The following SLC5A4 variants were observed in gnomAD, a reference collection of about 807,000 sequenced individuals.
SLC5A4 encodes probable glucose sensor protein SLC5A4.
Under a neutral mutation model 70.3 loss-of-function variants are expected in SLC5A4, and 55 were observed. The observed-to-expected ratio is 0.78, with a 90% CI of 0.63 to 0.98. The LOEUF (loss-of-function observed/expected upper bound fraction) is 0.98. Among genes scored for constraint, SLC5A4 ranks in the 50% least tolerant of loss-of-function variants. SLC5A4 has a pLI of 0.00. For synonymous variants in SLC5A4, 268 were observed against 305.7 expected, an observed-to-expected ratio of 0.88 and a Z score of 1.29; for missense variants, 735 against 839.2, an observed-to-expected ratio of 0.88 and a Z score of 1.53.
At chr22:32,345,435 A>T in the SLC5A4 span, among the ~76,000 whole-genome samples, 1 of 152,180 alleles carries the variant, frequency 6.6e-6, no homozygotes, top group East Asian at 1.9e-4. Flanking sequence ...CTTTCTGTTC[A>T]ATTGATTTCT....
chr22:32,325,804 G>A, the SLC5A4 span, among the ~76,000 whole-genome samples: 7 of 152,252 alleles, frequency 4.6e-5, no homozygotes, highest in South Asian at 2.1e-4. Flanking sequence ...GAGAGACAAT[G>A]TCACTAGCCC....
chr22:32,277,830 G>C, the SLC5A4 span, among the ~76,000 whole-genome samples: 1 of 152,206 alleles, frequency 6.6e-6, no homozygotes, highest in Non-Finnish European at 1.5e-5. Context: ...TTACAGGCGT[G>C]AGCCACCGCG....
At chr22:32,239,556 A>ATATATATATATATATATT (rs1569374862) in intron 5 of SLC5A4, among the ~76,000 whole-genome samples, 21 of 20,890 alleles carry the variant, frequency 1.0e-3, no homozygotes, top group African/African-American at 5.0e-3. Context: ...ATATATATAT[A>ATATATATATATATATATT]TATATATATA....
upstream of SLC5A4, chr22:32,255,406 C>A: frequency 1.3e-6 from 2 of 1,520,430 alleles, no homozygotes. Context: ...CAGCCTCAGG[C>A]AGGTGGGGCG....
In SLC5A4 at chr22:32,232,623, C is replaced by A. The variant is rs189838208; in HGVS notation, c.1021+276G>T. On this transcript the variant is annotated intron_variant, in intron 9 of 14. Transcript: ENST00000266086. Reference sequence around the variant, plus strand: ...TCCTGCAGTGTCCTTTTGCCATATTCTCTGGACTTCCTTAAATCTAAGCAA... The same window carrying A: ...TCCTGCAGTGTCCTTTTGCCATATTATCTGGACTTCCTTAAATCTAAGCAA... Among the ~76,000 whole-genome samples the A allele has an allele frequency of 7.8e-4, 118 of 152,152 alleles. 1 individual carries two copies. Among genetic ancestry groups the A allele is most frequent in the African/African-American group, 2.8e-3 (116 of 41,524 alleles).
chr22:32,222,586 C>CAT (rs535875783), intron 13 of SLC5A4, among the ~76,000 whole-genome samples: 7 of 152,168 alleles, frequency 4.6e-5, no homozygotes, highest in African/African-American at 9.6e-5. Flanking sequence ...AAGAATTTAA[C>CAT]ATATATATAT....
chr22:32,250,162 T>G (rs897241256), intron 3 of SLC5A4, among the ~76,000 whole-genome samples: 1 of 151,944 alleles, frequency 6.6e-6, no homozygotes, highest in Admixed American at 6.6e-5. Flanking sequence ...ATCTTAGAGG[T>G]GAGCAGTGAT....
Position 32,255,319 on chromosome 22 carries a change from G to T in SLC5A4, c.11C>A (p.Thr4Lys). The change falls in exon 1 of 15, where the codon ACG becomes AAG. Residue 4 changes from threonine (T) to lysine (K), a missense_variant. Physicochemically the swap from Thr to Lys is moderately conservative, Grantham distance 78. Coordinates refer to ENST00000266086, the MANE Select transcript of SLC5A4 (RefSeq NM_014227.3). Reference sequence around the variant, plus strand: ...CTCAGCTATGGTGCTGGGGCTAACCGTACTGGCCATGGCTGCAGGCAGTGC... The same window carrying T: ...CTCAGCTATGGTGCTGGGGCTAACCTTACTGGCCATGGCTGCAGGCAGTGC... MAS[T>K]VSPSTIAETP... is the part of the protein sequence containing the mutation. The T allele has an allele frequency of 1.2e-6, 2 of 1,614,082 alleles. No individual in the cohort carries two copies. Among genetic ancestry groups the T allele is most frequent in the Non-Finnish European group, 1.7e-6 (2 of 1,179,978 alleles).
intron 2 of SLC5A4, 143 bp from the exon 3 acceptor site, chr22:32,252,017 C>G: frequency 3.3e-6 from 2 of 597,138 alleles, no homozygotes; most frequent in Non-Finnish European, 6.1e-6. Context: ...ATCACAAGGT[C>G]AGGAGATCAA....
chr22:32,327,887 G>A, the SLC5A4 span, among the ~76,000 whole-genome samples: 2 of 152,192 alleles, frequency 1.3e-5, no homozygotes, highest in Admixed American at 1.3e-4. Context: ...CCGGGATGGG[G>A]CACCTCGGGC....
At chr22:32,233,183 C>T in intron 8 of SLC5A4, 149 bp from the exon 9 acceptor site, 1 of 780,806 alleles carries the variant, frequency 1.3e-6, no homozygotes, top group Non-Finnish European at 2.0e-6. Flanking sequence ...TTCATTGCAG[C>T]ACTATTCACA....
chr22:32,331,207 T>C, the SLC5A4 span, among the ~76,000 whole-genome samples: 4 of 117,732 alleles, frequency 3.4e-5, no homozygotes, highest in Non-Finnish European at 5.2e-5. Flanking sequence ...GGTGTGTGTA[T>C]TGGGGGCTGT....
chr22:32,264,606 A>G, the SLC5A4 span, among the ~76,000 whole-genome samples: 23 of 152,228 alleles, frequency 1.5e-4, no homozygotes, highest in African/African-American at 4.8e-4. Context: ...ACCAGAAAAA[A>G]GAAGACATCT....
chr22:32,320,948 C>T, the SLC5A4 span, among the ~76,000 whole-genome samples: 1 of 152,200 alleles, frequency 6.6e-6, no homozygotes, highest in Non-Finnish European at 1.5e-5. Context: ...AGGGGCAACC[C>T]GTCACCTTCC....
At chr22:32,265,615 G>A in the SLC5A4 span, among the ~76,000 whole-genome samples, 1 of 152,088 alleles carries the variant, frequency 6.6e-6, no homozygotes, top group Non-Finnish European at 1.5e-5. Flanking sequence ...TGAGGTGGGT[G>A]GATCACTTGA....
At chr22:32,274,994 A>G in the SLC5A4 span, among the ~76,000 whole-genome samples, 8 of 152,188 alleles carry the variant, frequency 5.3e-5, no homozygotes, top group Non-Finnish European at 1.0e-4. Context: ...ATATCATACA[A>G]TTCACAACTT....
intron 5 of SLC5A4, among the ~76,000 whole-genome samples, chr22:32,243,206 A>T (rs868711611): frequency 1.3e-5 from 2 of 152,208 alleles, no homozygotes; most frequent in Non-Finnish European, 2.9e-5. Context: ...GAATCCAACC[A>T]TGAAGAAATA....
intron 12 of SLC5A4, 47 bp from the exon 13 acceptor site, chr22:32,224,529 A>G (rs1009616915): frequency 7.1e-7 from 1 of 1,412,426 alleles, no homozygotes; most frequent in African/African-American, 1.4e-5. Flanking sequence ...AAAATATGAG[A>G]AGCTTATTCA....
chr22:32,307,253 G>A, the SLC5A4 span, among the ~76,000 whole-genome samples: 2 of 152,148 alleles, frequency 1.3e-5, no homozygotes, highest in Non-Finnish European at 2.9e-5. Flanking sequence ...GGAGTTTTAG[G>A]TACAGAGTAA....
Sources: gnomAD v4.1 joint callset for allele counts (sites outside exome capture counted in the v4.1 genomes callset) on GRCh38, gnomAD v4.1.1 for gene constraint, MANE v1.5 for transcripts, NCBI Gene and HGNC (gene_info 2026-07-23, HGNC 2026-07-21) for gene names.